MYOF: variants seen among roughly 807,000 people sequenced by gnomAD.
The protein encoded by MYOF is myoferlin.
Under a neutral mutation model 284.2 loss-of-function variants are expected in MYOF, and 244 were observed. The ratio of observed to expected loss-of-function variants is 0.86; its 90% confidence interval spans 0.77 to 0.95. The LOEUF (loss-of-function observed/expected upper bound fraction) is 0.95, where lower values mean the gene tolerates loss of function less well. MYOF is among the 40% of genes least tolerant of loss of function. The pLI, the probability that MYOF is intolerant of heterozygous loss-of-function variation, is 0.00. For missense variants in MYOF, 2,496 were observed against 2,560.6 expected (o/e 0.97, Z 0.54); for synonymous variants, 904 against 919.7 (o/e 0.98, Z 0.31).
intron 1 of MYOF, among the ~76,000 whole-genome samples, chr10:93,458,130 A>G (rs539272175): frequency 2.0e-3 from 308 of 152,022 alleles, no homozygotes; most frequent in African/African-American, 7.3e-3. Flanking sequence ...AGGTGGGAGG[A>G]TTGTTTGAGC....
intron 3 of MYOF, among the ~76,000 whole-genome samples, chr10:93,438,489 T>G (rs1402812735): frequency 6.6e-6 from 1 of 152,148 alleles, no homozygotes; most frequent in Non-Finnish European, 1.5e-5. Flanking sequence ...TCACTCGGCC[T>G]CCGCATCGTC....
At chr10:93,331,363 C>T (rs1843290875) in intron 43 of MYOF, among the ~76,000 whole-genome samples, 1 of 152,176 alleles carries the variant, frequency 6.6e-6, no homozygotes, top group Admixed American at 6.5e-5. Context: ...GGGAAGTCTG[C>T]CCATCCGCCA....
intron 19 of MYOF, among the ~76,000 whole-genome samples, chr10:93,384,307 G>A (rs1233149406): frequency 2.6e-5 from 4 of 152,182 alleles, no homozygotes; most frequent in African/African-American, 2.4e-5. Flanking sequence ...GAAGTACAGA[G>A]CCTGGGACAA....
At chr10:93,451,343 A>G (rs372851551) in intron 3 of MYOF, among the ~76,000 whole-genome samples, 6 of 152,224 alleles carry the variant, frequency 3.9e-5, no homozygotes, top group African/African-American at 1.4e-4. Context: ...AAAGAAAAAA[A>G]CCTTTAGTCT....
chr10:93,403,498 C>G (rs1847401289), intron 9 of MYOF, among the ~76,000 whole-genome samples: 1 of 152,226 alleles, frequency 6.6e-6, no homozygotes, highest in Non-Finnish European at 1.5e-5. Flanking sequence ...CCAGATCATC[C>G]TCTAGGACTT....
At chr10:93,449,356 A>G (rs1727729196) in intron 3 of MYOF, among the ~76,000 whole-genome samples, 1 of 152,212 alleles carries the variant, frequency 6.6e-6, no homozygotes, top group South Asian at 2.1e-4. Context: ...CCTGCACTGT[A>G]TTTCTGTTGG....
rs66859494 is a variant in MYOF, at chr10:93,378,693, G to GTATATATATATATATA, written c.2001+1154_2001+1169dup. 6.9e-3 allele frequency among the ~76,000 whole-genome samples: 607 copies of GTATATATATATATATA among 87,848 alleles called. 10 individuals are homozygous for GTATATATATATATATA. Among genetic ancestry groups the GTATATATATATATATA allele is most frequent in the South Asian group, 0.015 (27 of 1,770 alleles). The allele number at this position is 87,848 out of a possible 152,430, so 57.6% of individuals were successfully genotyped here. ...TATGTGTGTGTGTATGTGTGTGTGT[G>GTATATATATATATATA]TATATATATATATATATATATATGT... On this transcript the variant is annotated intron_variant, in intron 21 of 53. Transcript: ENST00000359263.
chr10:93,359,984 A>G lies in MYOF; in HGVS notation c.2975-6T>C. On this transcript the variant is annotated splice_polypyrimidine_tract_variant and splice_region_variant and intron_variant, in intron 28 of 53. Transcript: ENST00000359263. The stretch of plus-strand genomic sequence containing the variant: ...GGTGATTCCATATTCCCAGCCTGGA[A>G]CAGAGTTTGTGAATGGTTACCCAGA... 1 of 1,614,174 alleles carries G rather than the reference A, an allele frequency of 6.2e-7. No individual in the cohort carries two copies. The highest frequency in any genetic ancestry group is 8.5e-7 in the Non-Finnish European group (1 of 1,180,026).
chr10:93,427,182 G>A (rs931260959), intron 4 of MYOF, among the ~76,000 whole-genome samples: 4 of 149,376 alleles, frequency 2.7e-5, no homozygotes, highest in African/African-American at 5.0e-5. Flanking sequence ...CACCGTGCCC[G>A]GGGAGACTCT....
chr10:93,420,897 G>T (rs1052570770), intron 5 of MYOF, among the ~76,000 whole-genome samples: 2 of 152,106 alleles, frequency 1.3e-5, no homozygotes, highest in Non-Finnish European at 2.9e-5. Flanking sequence ...ACATAGAATG[G>T]TAAAGTTTTA....
chr10:93,362,917 C>T (rs1489566879), intron 27 of MYOF, among the ~76,000 whole-genome samples: 2 of 151,944 alleles, frequency 1.3e-5, no homozygotes, highest in East Asian at 1.9e-4. Flanking sequence ...AAACCTAGAC[C>T]AACCAAATGC....
chr10:93,416,668 G>A (rs888536126), intron 5 of MYOF, among the ~76,000 whole-genome samples: 1 of 148,510 alleles, frequency 6.7e-6, no homozygotes, highest in African/African-American at 2.5e-5. Context: ...CATGACCTTG[G>A]CTCACTGCAT....
chr10:93,402,296 C>T lies in MYOF; in HGVS notation c.926G>A (p.Ser309Asn). Residue 309 changes from serine (S) to asparagine (N), a missense_variant, in exon 11 of 54, where the codon AGT becomes AAT. Physicochemically the swap from Ser to Asn is conservative, Grantham distance 46. Transcript: ENST00000359263. ...TTTCATATAACCTTTAGAACCTGAA[C>T]TGGTATCTTCCGGGTCATTGAGAAG... is the stretch of plus-strand genomic sequence containing the variant. ...WLLLNDPEDT[S>N]SGSKGYMKVS... The T allele has an allele frequency of 1.2e-6, 2 of 1,614,114 alleles. No individual in the cohort carries two copies. Among genetic ancestry groups the T allele is most frequent in the Non-Finnish European group, 8.5e-7 (1 of 1,179,998 alleles).
intron 1 of MYOF, among the ~76,000 whole-genome samples, chr10:93,469,262 A>C (rs2057082657): frequency 6.6e-6 from 1 of 152,102 alleles, no homozygotes; most frequent in Admixed American, 6.6e-5. Context: ...TTAGCCGGGC[A>C]TGGTGGTGCA....
chr10:93,423,525 G>GAA (rs59012520), intron 5 of MYOF, among the ~76,000 whole-genome samples: 4 of 14,890 alleles, frequency 2.7e-4, no homozygotes, highest in Non-Finnish European at 5.1e-4. Flanking sequence ...GACTCCATCT[G>GAA]AAAAAAAAAA....
intron 29 of MYOF, among the ~76,000 whole-genome samples, chr10:93,358,627 G>C (rs1016200485): frequency 6.6e-6 from 1 of 152,092 alleles, no homozygotes; most frequent in African/African-American, 2.4e-5. Flanking sequence ...CCATAAAAAG[G>C]AACGAGATCA....
At chr10:93,407,175 C>T (rs180843968) in intron 7 of MYOF, among the ~76,000 whole-genome samples, 2 of 152,100 alleles carry the variant, frequency 1.3e-5, no homozygotes, top group African/African-American at 4.8e-5. Flanking sequence ...CCTGTAATCC[C>T]AGCACTTTGG....
chr10:93,412,437 ATCT>A, intron 5 of MYOF, among the ~76,000 whole-genome samples: 1 of 152,260 alleles, frequency 6.6e-6, no homozygotes, highest in East Asian at 1.9e-4. Flanking sequence ...AGCTCTTGGA[ATCT>A]TCTTCATCCT....
At position 93,468,425 on chromosome 10, in the gene MYOF, C is replaced by G. The variant is rs565902143; in HGVS notation, c.89-11488G>C. 5.3e-5 allele frequency among the ~76,000 whole-genome samples: 8 copies of G among 152,332 alleles called. No homozygotes were observed. In the East Asian group the frequency reaches 1.5e-3, roughly 29 times the overall value. ...CATGCCCAAGACACAGGGGACATTA[C>G]CAGGTGTTGGAATCAGAACTATCAA... On this transcript the variant is annotated intron_variant, in intron 1 of 53. Transcript: ENST00000359263.
Sources: allele counts gnomAD v4.1 joint callset (sites outside exome capture counted in the v4.1 genomes callset), GRCh38; gene constraint gnomAD v4.1.1; transcripts MANE v1.5; gene names NCBI Gene and HGNC (gene_info 2026-07-23, HGNC 2026-07-21).